ABCA10: variants seen among roughly 807,000 people sequenced by gnomAD.
ABCA10 encodes the protein ATP binding cassette subfamily A member 10.
In ABCA10, 169 loss-of-function variants were observed where a neutral mutation model predicts 187.5. That is an observed-to-expected ratio of 0.90 (90% CI 0.80 to 1.02). The LOEUF (loss-of-function observed/expected upper bound fraction) is 1.02. Ranked by LOEUF, ABCA10 falls within the 50% of genes least tolerant of loss-of-function variation. ABCA10 has a pLI of 0.00. For synonymous variants in ABCA10, 574 were observed against 601.8 expected (o/e 0.95, Z 0.68); for missense variants, 1,727 against 1,812.4 (o/e 0.95, Z 0.86).
At chr17:69,219,849 G>T (rs1012361947) in intron 5 of ABCA10, 78 bp from the exon 6 acceptor site, 2 of 1,017,342 alleles carry the variant, frequency 2.0e-6, no homozygotes, top group African/African-American at 1.7e-5. Flanking sequence ...TTTTATTTTC[G>T]ATTTCAATAT....
Position 69,187,882 on chromosome 17 carries a change from A to G in ABCA10, c.2132-3T>C, listed in dbSNP as rs775439884. 1 of 1,612,432 alleles carries G rather than the reference A, an allele frequency of 6.2e-7. No homozygotes were observed. The highest frequency in any genetic ancestry group is 8.5e-7 in the Non-Finnish European group (1 of 1,178,696). On this transcript the variant is annotated splice_region_variant and splice_polypyrimidine_tract_variant and intron_variant, in intron 18 of 38. Transcript: ENST00000690296. ...CTCTTGTTTCCCAATGTCAAAATCTACAATCATGTAATAAAACATTTTAAT... is the reference window on the plus strand; with the variant it reads ...CTCTTGTTTCCCAATGTCAAAATCTGCAATCATGTAATAAAACATTTTAAT...
In ABCA10 at chr17:69,225,465, G is replaced by A. The variant is rs545139377; in HGVS notation, c.-107C>T. The A allele has an allele frequency of 1.3e-3, 1,548 of 1,177,928 alleles. 2 individuals are homozygous for A. The highest frequency in any genetic ancestry group is 1.8e-3 in the Non-Finnish European group (1,430 of 803,120). 73.0% of individuals were successfully genotyped at this position (1,177,928 alleles called of 1,614,324 possible). The stretch of plus-strand genomic sequence containing the variant: ...TTTAGGAGGTTGTTCAGGAAAACGG[G>A]TAGCTCTGAAGTGTTCCGAAAAGAT... On this transcript the variant is annotated 5_prime_UTR_variant, in exon 3 of 39. Coordinates refer to ENST00000690296, the MANE Select transcript of ABCA10 (RefSeq NM_001377321.1).
chr17:69,185,584 A>G lies in ABCA10; in HGVS notation c.2390T>C (p.Val797Ala), dbSNP rs1478472926. 6.2e-7 allele frequency: 1 copy of G among 1,613,022 alleles called. No individual in the cohort carries two copies. The highest frequency in any genetic ancestry group is 8.5e-7 in the Non-Finnish European group (1 of 1,179,246). The change falls in exon 20 of 39, where the codon GTA becomes GCA. Residue 797 changes from valine (V) to alanine (A), a missense_variant. Transcript: ENST00000690296. ...PIILEKIMYKVTRETHCWEFS... is the reference protein window; with the variant it reads ...PIILEKIMYKATRETHCWEFS... Reference sequence around the variant, plus strand: ...CTCCCAACAATGAGTTTCACGAGTTACTTTATACATTATCTTCTCTAGAAT... The same window carrying G: ...CTCCCAACAATGAGTTTCACGAGTTGCTTTATACATTATCTTCTCTAGAAT...
rs768625493 is a variant in ABCA10, at chr17:69,192,582, C to T, written c.1852G>A (p.Gly618Ser). Reference protein sequence around the residue: ...GSSLFLKRKWGIGYHLSLHRN... With the variant: ...GSSLFLKRKWSIGYHLSLHRN... Reference sequence around the variant, plus strand: ...ACATACCTTAAATGATATCCAATACCCCACTTTCGCTTCAGAAACAAAGAT... The same window carrying T: ...ACATACCTTAAATGATATCCAATACTCCACTTTCGCTTCAGAAACAAAGAT... Residue 618 changes from glycine to serine, a missense_variant, in exon 16 of 39, where the codon GGT becomes AGT. Physicochemically the swap from Gly to Ser is moderately conservative, Grantham distance 56. Coordinates refer to ENST00000690296, the MANE Select transcript of ABCA10 (RefSeq NM_001377321.1). 2.4e-5 allele frequency: 39 copies of T among 1,612,720 alleles called. No homozygotes were observed. In the East Asian group the frequency reaches 8.0e-4, roughly 33 times the overall value.
At chr17:69,185,006 G>A (rs190095533) in intron 20 of ABCA10, among the ~76,000 whole-genome samples, 1 of 151,810 alleles carries the variant, frequency 6.6e-6, no homozygotes, top group East Asian at 1.9e-4. Flanking sequence ...TAGCAACCTG[G>A]ATGGAGTTGG....
At chr17:69,155,960 T>G in intron 28 of ABCA10, 35 bp from the exon 29 acceptor site, 1 of 1,598,836 alleles carries the variant, frequency 6.3e-7, no homozygotes, top group Non-Finnish European at 8.5e-7. Context: ...AAAATGCAAT[T>G]TTGGCTGTAC....
At chr17:69,194,012 C>T in intron 12 of ABCA10, 23 bp from the exon 13 acceptor site, 2 of 1,546,542 alleles carry the variant, frequency 1.3e-6, no homozygotes, top group Non-Finnish European at 1.8e-6. Flanking sequence ...ATTTAAAAGG[C>T]TTTACTGCCA....
chr17:69,153,632 T>C (rs1252913809), intron 32 of ABCA10, 86 bp from the exon 33 acceptor site: 5 of 1,512,072 alleles, frequency 3.3e-6, no homozygotes, highest in Non-Finnish European at 4.5e-6. Flanking sequence ...AGCACTATTA[T>C]TCTAGATAGT....
At position 69,156,891 on chromosome 17, in the gene ABCA10, G is replaced by T. The variant is rs942070118; in HGVS notation, c.3396C>A (p.Val1132=). The T allele has an allele frequency of 1.0e-5, 16 of 1,587,016 alleles. No homozygotes were observed. The highest frequency in any genetic ancestry group is 1.7e-4 in the Middle Eastern group (1 of 5,964). ...PYLQSVIFLF[V]IRCLEMKYGN... ...CATACTTCATTTCCAGACACCTTAT[G>T]ACAAAAAGGAAAATAACACTCTGAA... Residue 1132 remains valine (V), a synonymous_variant, in exon 28 of 39, where the codon GTC becomes GTA. Transcript: ENST00000690296.
chr17:69,222,478 CAG>C (rs762446131), intron 4 of ABCA10, 53 bp downstream of exon 4: 98 of 1,355,282 alleles, frequency 7.2e-5, no homozygotes, highest in African/African-American at 2.5e-4. Context: ...TCATTCCAAA[CAG>C]GGGATTCCAT....
rs189241394 is a variant in ABCA10, at chr17:69,222,263, G to A, written c.199+270C>T. Reference sequence around the variant, plus strand: ...TTAGGCAGGAGAATCACTGGATCTCGGGAGGCAGCGGTTCCAGTGAGCCAA... The same window carrying A: ...TTAGGCAGGAGAATCACTGGATCTCAGGAGGCAGCGGTTCCAGTGAGCCAA... On this transcript the variant is annotated intron_variant, in intron 4 of 38. Transcript: ENST00000690296. 6.3e-4 allele frequency among the ~76,000 whole-genome samples: 95 copies of A among 151,694 alleles called. 1 individual carries two copies. The highest frequency in any genetic ancestry group is 2.0e-3 in the African/African-American group (84 of 41,324).
intron 18 of ABCA10, 144 bp from the exon 19 acceptor site, chr17:69,188,023 A>G (rs1485626790): frequency 2.7e-6 from 2 of 732,680 alleles, no homozygotes; most frequent in East Asian, 5.4e-5. Flanking sequence ...TTACGTTAAA[A>G]ATCTTTCCTT....
intron 37 of ABCA10, among the ~76,000 whole-genome samples, chr17:69,149,760 C>T (rs1194116358): frequency 6.6e-6 from 1 of 152,138 alleles, no homozygotes; most frequent in African/African-American, 2.4e-5. Flanking sequence ...ACCTGACTGA[C>T]TTGTGGCTGG....
intron 9 of ABCA10, among the ~76,000 whole-genome samples, chr17:69,205,687 T>C (rs981010062): frequency 1.3e-5 from 2 of 152,166 alleles, no homozygotes; most frequent in African/African-American, 4.8e-5. Flanking sequence ...AAAAGCTGAT[T>C]ATTAAAATTA....
rs200246933 is a variant in ABCA10, at chr17:69,214,716, G to A, written c.994C>T (p.Arg332Ter). The A allele has an allele frequency of 2.7e-6, 4 of 1,503,422 alleles. No homozygotes were observed. Among genetic ancestry groups the A allele is most frequent in the South Asian group, 1.3e-5 (1 of 75,960 alleles). The allele number at this position is 1,503,422 out of a possible 1,614,324, so 93.1% of individuals were successfully genotyped here. A position where few individuals can be genotyped will look rare whatever the true frequency, so the allele number is the denominator to read the frequency against. ...FYLIFTLYFE[R>*]VLPDKDGHGD... ...ACTATTAACTTACCAGGTAAAACTCGCTCAAAATATAATGTGAATATCAAA... is the reference window on the plus strand; with the variant it reads ...ACTATTAACTTACCAGGTAAAACTCACTCAAAATATAATGTGAATATCAAA... The change falls in exon 9 of 39, where the codon CGA becomes TGA. Residue 332 changes from arginine (R) to a stop codon, truncating the protein, a stop_gained. Coordinates refer to ENST00000690296, the MANE Select transcript of ABCA10 (RefSeq NM_001377321.1). LOFTEE classifies it high-confidence loss of function.
intron 27 of ABCA10, among the ~76,000 whole-genome samples, chr17:69,162,838 CATAT>C (rs376385505): frequency 1.3e-4 from 16 of 120,818 alleles, no homozygotes; most frequent in African/African-American, 1.9e-4. Flanking sequence ...TATACATATA[CATAT>C]ATATATATAT....
rs1448547000 is a variant in ABCA10 at position 69,193,728 on chromosome 17, AAGAGT to A, written c.1521+81_1521+85del. ...TTCGTTGATTAAGCTTTACCTATCAAAGAGTAGAGTAATAGCTGAACAAAAAAAAT... is the reference window on the plus strand; with the variant it reads ...TTCGTTGATTAAGCTTTACCTATCAAAGAGTAATAGCTGAACAAAAAAAAT... On this transcript the variant is annotated intron_variant, in intron 13 of 38. Transcript: ENST00000690296. 4 of 1,561,220 alleles carry A rather than the reference AAGAGT, an allele frequency of 2.6e-6. No homozygotes were observed. The African/African-American group carries it at 4.2e-5, about 16-fold the overall frequency.
intron 1 of ABCA10, chr17:69,244,381 AAAG>A (rs1685469251): frequency 2.7e-5 from 4 of 150,270 alleles, no homozygotes; most frequent in Admixed American, 2.7e-4. Context: ...ACTAAATAAC[AAAG>A]AATTCACTTC....
At chr17:69,180,280 T>A (rs981013650) in intron 22 of ABCA10, among the ~76,000 whole-genome samples, 20 of 152,146 alleles carry the variant, frequency 1.3e-4, no homozygotes, top group African/African-American at 4.6e-4. Context: ...ACCCACTCAT[T>A]CATCCATTCA....
Sources: gnomAD v4.1 joint callset for allele counts (sites outside exome capture counted in the v4.1 genomes callset) on GRCh38, gnomAD v4.1.1 for gene constraint, MANE v1.5 for transcripts, NCBI Gene and HGNC (gene_info 2026-07-23, HGNC 2026-07-21) for gene names.